The following MAK variants were observed in gnomAD, a reference collection of about 807,000 sequenced individuals.
The protein encoded by MAK is serine/threonine-protein kinase MAK.
A neutral mutation model predicts 82.6 loss-of-function variants in MAK; 65 were observed. The observed-to-expected ratio is 0.79, with a 90% confidence interval of 0.64 to 0.97. MAK has a LOEUF of 0.97. MAK is among the 50% of genes least tolerant of loss of function. The probability of loss-of-function intolerance (pLI) is 0.00; values close to 1 mark genes in which losing one functional copy is unlikely to be tolerated. For missense variants in MAK, 703 were observed against 780.2 expected, an observed-to-expected ratio of 0.90 and a Z score of 1.18; for synonymous variants, 250 against 274.2, an observed-to-expected ratio of 0.91 and a Z score of 0.87.
Position 10,817,129 on chromosome 6 carries a change from AGTGT to A in MAK, c.278+717_278+720del, listed in dbSNP as rs60627741. The stretch of plus-strand genomic sequence containing the variant: ...GTAACATCCTCAGACCTTGAGCGAG[AGTGT>A]GTGTGTGTGTGTGTGTGTGTAAGAA... On this transcript the variant is annotated intron_variant, in intron 4 of 14. Transcript: ENST00000354489. Among the ~76,000 whole-genome samples, 289 of 149,948 alleles carry A rather than the reference AGTGT, an allele frequency of 1.9e-3. 1 individual carries two copies. The highest frequency in any genetic ancestry group is 3.4e-3 in the Non-Finnish European group (226 of 67,134).
chr6:10,803,909 A>G lies in MAK; in HGVS notation c.492-18T>C, dbSNP rs763989794. ...CACGATACCTATGAAAATAGAGAAC[A>G]AAAGAGGTAATTTTGATTGCAATTT... On this transcript the variant is annotated intron_variant, in intron 6 of 14. Coordinates refer to ENST00000354489, the MANE Select transcript of MAK (RefSeq NM_001242957.3). 1 of 1,611,798 alleles carries G rather than the reference A, an allele frequency of 6.2e-7. No individual in the cohort carries two copies. The highest frequency in any genetic ancestry group is 2.2e-5 in the East Asian group (1 of 44,854).
At chr6:10,818,646 A>G (rs1246078458) in intron 3 of MAK, among the ~76,000 whole-genome samples, 2 of 151,860 alleles carry the variant, frequency 1.3e-5, no homozygotes, top group East Asian at 3.8e-4. Flanking sequence ...TCTTTGCATA[A>G]TATGATTTTA....
At chr6:10,807,764 C>T (rs559760727) in intron 6 of MAK, among the ~76,000 whole-genome samples, 2 of 151,974 alleles carry the variant, frequency 1.3e-5, no homozygotes, top group South Asian at 2.1e-4. Context: ...GCACCCAGAT[C>T]AAGAAAGACA....
chr6:10,791,751 C>T lies in MAK; in HGVS notation c.1240G>A (p.Asp414Asn). The T allele has an allele frequency of 6.2e-7, 1 of 1,614,018 alleles. No homozygotes were observed. Among genetic ancestry groups the T allele is most frequent in the Non-Finnish European group, 8.5e-7 (1 of 1,179,926 alleles). ...GDSWEELEDYDFGASHSKKPS... is the reference protein window; with the variant it reads ...GDSWEELEDYNFGASHSKKPS... ...TTCTTGGAATGGGAGGCTCCGAAAT[C>T]ATAGTCCTCCAACTCTTCCCAGCTA... Residue 414 changes from aspartate to asparagine, a missense_variant, in exon 10 of 15, where the codon GAT becomes AAT. Coordinates refer to ENST00000354489, the MANE Select transcript of MAK (RefSeq NM_001242957.3).
Position 10,764,282 on chromosome 6 carries a change from A to G in MAK, c.*170T>C. ...GTGGGCAATGATGCTAAGAAAATGC[A>G]TTTCTTGGAAATAAGTAAAATAGGG... On this transcript the variant is annotated 3_prime_UTR_variant, in exon 15 of 15. Transcript: ENST00000354489. The G allele has an allele frequency of 1.5e-6, 1 of 646,262 alleles. No homozygotes were observed. The highest frequency in any genetic ancestry group is 2.7e-6 in the Non-Finnish European group (1 of 377,128). 40.0% of individuals were successfully genotyped at this position (646,262 alleles called of 1,614,324 possible). A position where few individuals can be genotyped will look rare whatever the true frequency, so the allele number is the denominator to read the frequency against.
rs184785183 is a variant in MAK at position 10,835,068 on chromosome 6, C to T, written c.-230+3435G>A. ...ATGGTCGCACCGCTCCCCCGCCCCA[C>T]GCAGTCCTGCGTCTGGATGATTAAA... On this transcript the variant is annotated intron_variant, in intron 1 of 14. Transcript: ENST00000354489. Among the ~76,000 whole-genome samples, 3 of 152,358 alleles carry T rather than the reference C, an allele frequency of 2.0e-5. No individual in the cohort carries two copies. In the East Asian group the frequency reaches 5.8e-4, roughly 29 times the overall value.
chr6:10,799,326 T>TA (rs1775831087), intron 8 of MAK, among the ~76,000 whole-genome samples: 1 of 152,222 alleles, frequency 6.6e-6, no homozygotes, highest in African/African-American at 2.4e-5. Context: ...ACTGAACATT[T>TA]AAAAAATATT....
intron 6 of MAK, among the ~76,000 whole-genome samples, chr6:10,808,391 G>A (rs1225373476): frequency 6.6e-6 from 1 of 152,218 alleles, no homozygotes; most frequent in Non-Finnish European, 1.5e-5. Flanking sequence ...GCGTGCAGTA[G>A]AGAGGATTCA....
chr6:10,777,256 A>G (rs1019031005), intron 11 of MAK, among the ~76,000 whole-genome samples: 1 of 151,776 alleles, frequency 6.6e-6, no homozygotes, highest in Admixed American at 6.6e-5. Flanking sequence ...AAAGAATACA[A>G]AAAAAATTAG....
chr6:10,826,132 C>T (rs1778350895), intron 2 of MAK, among the ~76,000 whole-genome samples: 1 of 152,196 alleles, frequency 6.6e-6, no homozygotes, highest in Non-Finnish European at 1.5e-5. Flanking sequence ...ATCCACGCTC[C>T]AGCCACCTAC....
At chr6:10,817,394 C>T (rs1777580205) in intron 4 of MAK, among the ~76,000 whole-genome samples, 1 of 152,186 alleles carries the variant, frequency 6.6e-6, no homozygotes, top group Admixed American at 6.6e-5. Flanking sequence ...ATTGGTAACA[C>T]ATCAAGTCTT....
intron 14 of MAK, among the ~76,000 whole-genome samples, chr6:10,766,306 T>C (rs1335834794): frequency 1.3e-5 from 2 of 152,254 alleles, no homozygotes; most frequent in African/African-American, 4.8e-5. Context: ...TCTGTGAGCA[T>C]GTGGTCCTGA....
chr6:10,786,818 T>C (rs1774591576), intron 10 of MAK, among the ~76,000 whole-genome samples: 1 of 132,376 alleles, frequency 7.6e-6, no homozygotes, highest in African/African-American at 3.2e-5. Flanking sequence ...GTTCACCTCC[T>C]ATTCACCACT....
chr6:10,792,948 T>C (rs1775209816), intron 9 of MAK, among the ~76,000 whole-genome samples: 1 of 152,180 alleles, frequency 6.6e-6, no homozygotes, highest in Admixed American at 6.5e-5. Context: ...CTCCCTTCTG[T>C]TGAATTGTAT....
At position 10,775,357 on chromosome 6, in the gene MAK, G is replaced by A. The variant is rs765787091; in HGVS notation, c.1568C>T (p.Ala523Val). 2 of 1,613,820 alleles carry A rather than the reference G, an allele frequency of 1.2e-6. No individual in the cohort carries two copies. The highest frequency in any genetic ancestry group is 1.1e-5 in the South Asian group (1 of 91,078). Reference sequence around the variant, plus strand: ...ATTGCTCCTTTTGAAAGCAAGTTCTGCCCCAACGGGTCCCAGTGACTTGGG... The same window carrying A: ...ATTGCTCCTTTTGAAAGCAAGTTCTACCCCAACGGGTCCCAGTGACTTGGG... ...LFPKSLGPVG[A>V]ELAFKRSNAE... Residue 523 changes from alanine to valine, a missense_variant, in exon 12 of 15, where the codon GCA (alanine) becomes GTA (valine). By Grantham distance (64) the Ala-to-Val change is moderately conservative. Transcript: ENST00000354489.
At chr6:10,820,009 G>T (rs1384647328) in intron 2 of MAK, among the ~76,000 whole-genome samples, 1 of 151,960 alleles carries the variant, frequency 6.6e-6, no homozygotes, top group Non-Finnish European at 1.5e-5. Context: ...CTACTTGGGT[G>T]GCTGAGGCAG....
In MAK at chr6:10,830,650, T is replaced by C. The variant is rs1181401246; in HGVS notation, c.-2A>G. ...TCTCATGGTTGTGTATCGGTTCATC[T>C]TGGAAAAATAATGCAGCAGAAGTTG... is the stretch of plus-strand genomic sequence containing the variant. On this transcript the variant is annotated 5_prime_UTR_variant, in exon 2 of 15. Coordinates refer to ENST00000354489, the MANE Select transcript of MAK (RefSeq NM_001242957.3). 2.2e-5 allele frequency: 35 copies of C among 1,610,550 alleles called. No homozygotes were observed. The highest frequency in any genetic ancestry group is 2.9e-5 in the Non-Finnish European group (34 of 1,176,834).
intron 5 of MAK, among the ~76,000 whole-genome samples, chr6:10,813,126 ATATATATAAATTT>A (rs1777152687): frequency 1.5e-3 from 1 of 682 alleles, no homozygotes; most frequent in Non-Finnish European, 3.0e-3. Context: ...ATATATATAT[ATATATATAAATTT>A]TTTTTTTTTT....
intron 14 of MAK, among the ~76,000 whole-genome samples, chr6:10,768,539 C>T (rs1772684160): frequency 6.6e-6 from 1 of 152,082 alleles, no homozygotes; most frequent in African/African-American, 2.4e-5. Flanking sequence ...TGAGATCACA[C>T]CACTGCACTC....
Sources: allele counts gnomAD v4.1 joint callset (sites outside exome capture counted in the v4.1 genomes callset), GRCh38; gene constraint gnomAD v4.1.1; transcripts MANE v1.5; gene names NCBI Gene and HGNC (gene_info 2026-07-23, HGNC 2026-07-21).